ARHGAP11B: variants seen among roughly 807,000 people sequenced by gnomAD.
ARHGAP11B encodes Rho GTPase activating protein 11B.
A neutral mutation model predicts 27.6 loss-of-function variants in ARHGAP11B; 14 were observed. The ratio of observed to expected loss-of-function variants is 0.51; its 90% CI spans 0.34 to 0.79. The LOEUF is 0.79. Ranked by LOEUF, ARHGAP11B falls within the 30% of genes least tolerant of loss-of-function variation. ARHGAP11B has a pLI of 0.02. For synonymous variants in ARHGAP11B, 82 were observed against 114.1 expected (o/e 0.72, Z 1.80); for missense variants, 245 against 320.1 (o/e 0.77, Z 1.79).
At chr15:30,642,226 G>C (rs556489962) in intron 7 of ARHGAP11B, among the ~76,000 whole-genome samples, 1 of 152,002 alleles carries the variant, frequency 6.6e-6, no homozygotes, top group Non-Finnish European at 1.5e-5. Context: ...CAGATGAATT[G>C]AGAGGGTTCA....
At chr15:30,628,930 C>T (rs561617452) in intron 1 of ARHGAP11B, among the ~76,000 whole-genome samples, 2 of 152,014 alleles carry the variant, frequency 1.3e-5, no homozygotes, top group African/African-American at 2.4e-5. Context: ...CAGAAGTAGA[C>T]TTACCAGCCT....
exon 3 of ARHGAP11B, chr15:30,633,549 G>A (rs567608269): frequency 1.2e-6 from 2 of 1,613,028 alleles, no homozygotes; most frequent in East Asian, 2.2e-5. Flanking sequence ...GGGCTTTTTC[G>A]GAAATCAGGA....
chr15:30,635,163 A>G, exon 5 of ARHGAP11B: 1 of 1,613,482 alleles, frequency 6.2e-7, no homozygotes, highest in Non-Finnish European at 8.5e-7. Flanking sequence ...GGACATGAAA[A>G]GATGTCTTCT....
At chr15:30,635,629 A>G in exon 6 of ARHGAP11B, 3 of 1,613,500 alleles carry the variant, frequency 1.9e-6, no homozygotes, top group East Asian at 2.2e-5. Context: ...GACAACGTGT[A>G]GGAGGTAAGT....
exon 1 of ARHGAP11B, chr15:30,626,835 G>A: frequency 6.2e-7 from 1 of 1,613,720 alleles, no homozygotes; most frequent in Non-Finnish European, 8.5e-7. Flanking sequence ...GGGATCAGAG[G>A]CTGGTGAAGT....
intron 6 of ARHGAP11B, among the ~76,000 whole-genome samples, chr15:30,636,441 T>C (rs1041021647): frequency 6.6e-6 from 1 of 152,080 alleles, no homozygotes; most frequent in Non-Finnish European, 1.5e-5. Flanking sequence ...GCCATTATTC[T>C]TCCAATTACT....
intron 1 of ARHGAP11B, among the ~76,000 whole-genome samples, chr15:30,628,735 T>G (rs1336000068): frequency 1.3e-5 from 2 of 152,100 alleles, no homozygotes; most frequent in Non-Finnish European, 2.9e-5. Context: ...CATTGTGTTA[T>G]GAGATCTAAT....
chr15:30,631,953 A>G (rs2060248593), intron 2 of ARHGAP11B, among the ~76,000 whole-genome samples: 1 of 147,934 alleles, frequency 6.8e-6, no homozygotes, highest in Non-Finnish European at 1.5e-5. Flanking sequence ...CACTTAGCTA[A>G]TTTTTGTATT....
At chr15:30,640,203 T>G (rs1162464837) in intron 7 of ARHGAP11B, among the ~76,000 whole-genome samples, 3 of 134,052 alleles carry the variant, frequency 2.2e-5, no homozygotes, top group Non-Finnish European at 1.6e-5. Flanking sequence ...TCATGTCTGA[T>G]TCCCAAGTGG....
intron 7 of ARHGAP11B, among the ~76,000 whole-genome samples, chr15:30,642,198 A>T (rs1255167745): frequency 6.6e-6 from 1 of 151,906 alleles, no homozygotes. Flanking sequence ...AAACTTTGTG[A>T]ATTCTTTATT....
At chr15:30,647,184 T>C (rs2060355205) in intron 9 of ARHGAP11B, among the ~76,000 whole-genome samples, 1 of 151,842 alleles carries the variant, frequency 6.6e-6, no homozygotes, top group Non-Finnish European at 1.5e-5. Context: ...TTGGACAATC[T>C]TGGTCCATTG....
intron 6 of ARHGAP11B, among the ~76,000 whole-genome samples, chr15:30,637,044 C>T (rs1003118776): frequency 5.9e-5 from 9 of 152,012 alleles, no homozygotes; most frequent in Admixed American, 2.6e-4. Context: ...GGAGATATTT[C>T]TCAGATGCAG....
chr15:30,635,028 C>G (rs962749386), intron 4 of ARHGAP11B, 52 bp from the exon 5 acceptor site: 5 of 1,565,168 alleles, frequency 3.2e-6, no homozygotes, highest in South Asian at 2.2e-5. Context: ...TATTTTAACT[C>G]TTCTGTATTT....
chr15:30,635,410 A>G (rs1383513696), intron 5 of ARHGAP11B, 77 bp from the exon 6 acceptor site: 1 of 1,525,912 alleles, frequency 6.6e-7, no homozygotes, highest in Non-Finnish European at 8.8e-7. Flanking sequence ...AGAAATTGGT[A>G]TATTAGTATC....
exon 11 of ARHGAP11B, chr15:30,649,147 T>A (rs1277581011): frequency 6.6e-6 from 1 of 152,002 alleles, no homozygotes; most frequent in Non-Finnish European, 1.5e-5. Flanking sequence ...AATTCACACA[T>A]ACTATTTTTC....
chr15:30,627,011 T>C (rs1235594350), intron 1 of ARHGAP11B, 62 bp downstream of exon 1: 33 of 1,604,354 alleles, frequency 2.1e-5, no homozygotes, highest in Middle Eastern at 1.7e-4. Context: ...TCATCACTTA[T>C]TAGCAGATCG....
At chr15:30,627,548 C>T (rs1422020592) in intron 1 of ARHGAP11B, among the ~76,000 whole-genome samples, 2 of 151,810 alleles carry the variant, frequency 1.3e-5, no homozygotes, top group Non-Finnish European at 2.9e-5. Context: ...TTGGCCATAT[C>T]ATACTTTTGG....
At chr15:30,635,131 A>G (rs14618) in exon 5 of ARHGAP11B, 23 of 1,613,598 alleles carry the variant, frequency 1.4e-5, no homozygotes, top group East Asian at 2.2e-5. Flanking sequence ...TATTTGCACC[A>G]AATCTTCTTC....
At chr15:30,636,919 A>G (rs575038468) in intron 6 of ARHGAP11B, among the ~76,000 whole-genome samples, 60 of 152,068 alleles carry the variant, frequency 3.9e-4, no homozygotes, top group Non-Finnish European at 7.2e-4. Context: ...ACTCGAGTAC[A>G]TCTGTAAAGA....
Sources: gnomAD v4.1 joint callset for allele counts (sites outside exome capture counted in the v4.1 genomes callset) on GRCh38, gnomAD v4.1.1 for gene constraint, MANE v1.5 for transcripts, NCBI Gene and HGNC (gene_info 2026-07-23, HGNC 2026-07-21) for gene names.